DCC: variants seen among roughly 807,000 people sequenced by gnomAD.
DCC encodes the protein netrin receptor DCC.
DCC carries 58 observed loss-of-function variants against 172.5 expected under a neutral mutation model. The observed-to-expected ratio is 0.34, with a 90% CI of 0.27 to 0.42. The LOEUF is 0.42. Among genes scored for constraint, DCC ranks in the 10% least tolerant of loss-of-function variants. The pLI, the probability that DCC is intolerant of heterozygous loss-of-function variation, is 1.00. For missense variants in DCC, 1,740 were observed against 1,791.0 expected, an observed-to-expected ratio of 0.97 and a Z score of 0.51; for synonymous variants, 709 against 644.5, an observed-to-expected ratio of 1.10 and a Z score of -1.52.
At chr18:53,108,431 A>G (rs1035063552) in intron 7 of DCC, among the ~76,000 whole-genome samples, 1 of 151,874 alleles carries the variant, frequency 6.6e-6, no homozygotes, top group African/African-American at 2.4e-5. Context: ...TGAAAGGATT[A>G]GTTATAAATA....
At chr18:53,357,803 G>C (rs1048990958) in intron 15 of DCC, among the ~76,000 whole-genome samples, 1 of 152,104 alleles carries the variant, frequency 6.6e-6, no homozygotes, top group African/African-American at 2.4e-5. Context: ...TAGTGAACAC[G>C]GACTTCAGCT....
chr18:52,733,339 C>G (rs907634504), intron 1 of DCC, among the ~76,000 whole-genome samples: 12 of 152,138 alleles, frequency 7.9e-5, no homozygotes, highest in African/African-American at 2.9e-4. Flanking sequence ...GAAGTCAATA[C>G]TTTGGTGATA....
intron 7 of DCC, among the ~76,000 whole-genome samples, chr18:53,129,589 TC>T (rs1426047734): frequency 6.6e-6 from 1 of 152,114 alleles, no homozygotes. Flanking sequence ...CATTATTTCC[TC>T]TTTTTTTCTG....
At chr18:53,519,062 G>T (rs1404642362) in intron 27 of DCC, among the ~76,000 whole-genome samples, 1 of 152,058 alleles carries the variant, frequency 6.6e-6, no homozygotes, top group Non-Finnish European at 1.5e-5. Flanking sequence ...AGATTCAATG[G>T]ATCAACTAAT....
intron 2 of DCC, among the ~76,000 whole-genome samples, chr18:52,828,873 T>A (rs1036579834): frequency 2.0e-5 from 3 of 152,212 alleles, no homozygotes; most frequent in Admixed American, 6.5e-5. Context: ...CCACTTACAA[T>A]AGGTGATTTC....
intron 1 of DCC, among the ~76,000 whole-genome samples, chr18:52,729,905 A>G (rs2036610639): frequency 6.6e-6 from 1 of 152,208 alleles, no homozygotes; most frequent in South Asian, 2.1e-4. Flanking sequence ...GACATGAAAA[A>G]GAGAGAATTG....
In DCC at chr18:52,661,194, G is replaced by A. The variant is rs534290762; in HGVS notation, c.92-90860G>A. 3.9e-5 allele frequency among the ~76,000 whole-genome samples: 6 copies of A among 152,264 alleles called. No homozygotes were observed. In the South Asian group the frequency reaches 6.2e-4, roughly 16 times the overall value. On this transcript the variant is annotated intron_variant, in intron 1 of 28. Coordinates refer to ENST00000442544, the MANE Select transcript of DCC (RefSeq NM_005215.4). ...AGTAAGTGTGGGCTGTAGTACTCCA[G>A]GACAACACAAGAATTGAGGCAATGG...
At position 52,835,213 on chromosome 18, in the gene DCC, C is replaced by G. The variant is rs147488328; in HGVS notation, c.413-70831C>G. ...ATGGCCATGGATAAACTGGTTGTTG[C>G]CATAAATCCTGAAAGAAATTTCTGG... On this transcript the variant is annotated intron_variant, in intron 2 of 28. Coordinates refer to ENST00000442544, the MANE Select transcript of DCC (RefSeq NM_005215.4). Among the ~76,000 whole-genome samples the G allele has an allele frequency of 4.6e-5, 7 of 152,160 alleles. No homozygotes were observed. In the East Asian group the frequency reaches 7.7e-4, roughly 17 times the overall value.
At chr18:52,877,081 A>G (rs1485995046) in intron 2 of DCC, among the ~76,000 whole-genome samples, 1 of 152,210 alleles carries the variant, frequency 6.6e-6, no homozygotes. Context: ...TAACTGGATG[A>G]CCTGTATTTT....
At chr18:53,500,306 ATAAT>A (rs1272132231) in intron 27 of DCC, among the ~76,000 whole-genome samples, 2 of 136,944 alleles carry the variant, frequency 1.5e-5, no homozygotes, top group Admixed American at 1.4e-4. Context: ...AGATAAATAA[ATAAT>A]AGTACTTAAA....
At chr18:53,394,820 A>G (rs1200842198) in intron 17 of DCC, among the ~76,000 whole-genome samples, 2 of 152,158 alleles carry the variant, frequency 1.3e-5, no homozygotes, top group African/African-American at 4.8e-5. Context: ...AGTCAGTGCT[A>G]TGGTCGTCTC....
At chr18:53,367,259 T>C (rs548980862) in intron 15 of DCC, among the ~76,000 whole-genome samples, 1 of 143,724 alleles carries the variant, frequency 7.0e-6, no homozygotes, top group Admixed American at 6.9e-5. Context: ...GATGAACAGC[T>C]TATGCTTCAA....
chr18:52,899,496 G>C (rs2039779846), intron 2 of DCC, among the ~76,000 whole-genome samples: 2 of 151,622 alleles, frequency 1.3e-5, no homozygotes, highest in Non-Finnish European at 2.9e-5. Context: ...TGGGGTTACA[G>C]ACATGTACCA....
chr18:52,372,263 T>C (rs1482713910), intron 1 of DCC, among the ~76,000 whole-genome samples: 3 of 152,206 alleles, frequency 2.0e-5, no homozygotes, highest in Non-Finnish European at 4.4e-5. Flanking sequence ...GTAGCTGTAG[T>C]GCTGAAGAAA....
intron 1 of DCC, among the ~76,000 whole-genome samples, chr18:52,540,885 C>G (rs1411612085): frequency 6.6e-6 from 1 of 152,248 alleles, no homozygotes; most frequent in African/African-American, 2.4e-5. Flanking sequence ...GGATTGCAGG[C>G]ATGAGCCACC....
intron 1 of DCC, among the ~76,000 whole-genome samples, chr18:52,438,850 C>A (rs150463802): frequency 5.3e-5 from 8 of 152,240 alleles, no homozygotes; most frequent in Non-Finnish European, 8.8e-5. Flanking sequence ...TATGGGGGTA[C>A]ATTTAGGTAA....
At chr18:53,268,204 G>T (rs913243493) in intron 12 of DCC, among the ~76,000 whole-genome samples, 1 of 152,060 alleles carries the variant, frequency 6.6e-6, no homozygotes, top group South Asian at 2.1e-4. Context: ...TTTCTCAGTG[G>T]GAGGTCATTT....
intron 3 of DCC, among the ~76,000 whole-genome samples, chr18:52,906,574 T>C (rs1232550432): frequency 6.6e-6 from 1 of 151,904 alleles, no homozygotes; most frequent in Non-Finnish European, 1.5e-5. Flanking sequence ...ATTCATTCAC[T>C]TGTTCTATTA....
At chr18:53,001,684 A>C (rs2041566271) in intron 5 of DCC, among the ~76,000 whole-genome samples, 3 of 151,758 alleles carry the variant, frequency 2.0e-5, no homozygotes, top group Non-Finnish European at 4.4e-5. Context: ...TGTTTTCTTT[A>C]TTGCCTTTCT....
Sources: allele counts gnomAD v4.1 joint callset (sites outside exome capture counted in the v4.1 genomes callset), GRCh38; gene constraint gnomAD v4.1.1; transcripts MANE v1.5; gene names NCBI Gene and HGNC (gene_info 2026-07-23, HGNC 2026-07-21).